Variants in NLRC4 observed in about 807,000 individuals in gnomAD.
NLRC4 encodes NLR family CARD domain containing 4.
A neutral mutation model predicts 79.9 loss-of-function variants in NLRC4; 63 were observed. The observed-to-expected ratio is 0.79, with a 90% confidence interval of 0.64 to 0.97. The LOEUF (loss-of-function observed/expected upper bound fraction) is 0.97, where lower values mean the gene tolerates loss of function less well. Among genes scored for constraint, NLRC4 ranks in the 50% least tolerant of loss-of-function variants. NLRC4 has a pLI of 0.00. For synonymous variants in NLRC4, 461 were observed against 456.5 expected (o/e 1.01, Z -0.12); for missense variants, 1,074 against 1,215.2 (o/e 0.88, Z 1.73).
intron 5 of NLRC4, among the ~76,000 whole-genome samples, chr2:32,238,801 C>A (rs1686730198): frequency 6.6e-6 from 1 of 152,122 alleles, no homozygotes; most frequent in Non-Finnish European, 1.5e-5. Flanking sequence ...AAGACCACAT[C>A]CACTGCAGCA....
chr2:32,251,655 C>T, intron 3 of NLRC4, 54 bp from the exon 4 acceptor site: 1 of 1,256,856 alleles, frequency 8.0e-7, no homozygotes, highest in Non-Finnish European at 1.1e-6. Flanking sequence ...CTCCTCAAAA[C>T]CTAGAGTTCA....
chr2:32,264,433 CA>C (rs1278984114), intron 1 of NLRC4, among the ~76,000 whole-genome samples: 2,143 of 60,930 alleles, frequency 0.035, 44 homozygotes, highest in African/African-American at 0.097. Context: ...GACTCTGTCT[CA>C]AAAAAAAAAA....
In NLRC4 at chr2:32,236,122, T is replaced by A. The variant is rs1210345445; in HGVS notation, c.2614+125A>T. 8 of 574,800 alleles carry A rather than the reference T, an allele frequency of 1.4e-5. No homozygotes were observed. In the Admixed American group the frequency reaches 2.8e-4, roughly 20 times the overall value. 35.6% of individuals were successfully genotyped at this position (574,800 alleles called of 1,614,324 possible). ...AGTTTAAGAAAGGCCTAAATGATTT[T>A]CCTAAGGAGGGTGCATCTAGTAAGG... On this transcript the variant is annotated intron_variant, in intron 7 of 8. Transcript: ENST00000402280.
intron 8 of NLRC4, among the ~76,000 whole-genome samples, chr2:32,232,707 AG>A (rs1686565773): frequency 6.6e-6 from 1 of 152,228 alleles, no homozygotes; most frequent in Non-Finnish European, 1.5e-5. Context: ...CTAGGTAGGA[AG>A]GCAAGTCAAA....
At chr2:32,241,369 CTTTTTTTTTTT>C (rs34150887) in intron 4 of NLRC4, among the ~76,000 whole-genome samples, 1 of 74,360 alleles carries the variant, frequency 1.3e-5, no homozygotes, top group Non-Finnish European at 2.4e-5. Context: ...AAAAAATTTC[CTTTTTTTTTTT>C]TTTTTTTTTT....
chr2:32,255,936 C>T (rs1687198124), intron 2 of NLRC4, among the ~76,000 whole-genome samples: 1 of 151,964 alleles, frequency 6.6e-6, no homozygotes, highest in Non-Finnish European at 1.5e-5. Context: ...ATCGCTTGAA[C>T]CCAGGAGGTG....
At chr2:32,258,083 T>C (rs1467637579) in intron 1 of NLRC4, among the ~76,000 whole-genome samples, 3 of 152,194 alleles carry the variant, frequency 2.0e-5, no homozygotes, top group Non-Finnish European at 4.4e-5. Context: ...TTTCATTGAG[T>C]GGAAGAAGCT....
chr2:32,235,501 G>A lies in NLRC4; in HGVS notation c.2682C>T (p.Gly894=). The part of the protein sequence containing the change: ...LMLPWGCDVQ[G]SLSSLLKHLE... ...AATGTTTCAACAGGCTGCTCAGGCT[G>A]CCTTGCACGTCACAGCCCCAGGGCA... Residue 894 remains glycine, a synonymous_variant, in exon 8 of 9, where the codon GGC becomes GGT. Coordinates refer to ENST00000402280, the MANE Select transcript of NLRC4 (RefSeq NM_001199138.2). 6.2e-7 allele frequency: 1 copy of A among 1,614,130 alleles called. No individual in the cohort carries two copies. Among genetic ancestry groups the A allele is most frequent in the Non-Finnish European group, 8.5e-7 (1 of 1,179,944 alleles).
chr2:32,250,011 C>G lies in NLRC4; in HGVS notation c.1853G>C (p.Gly618Ala), dbSNP rs765739640. The G allele has an allele frequency of 1.9e-6, 3 of 1,614,082 alleles. No homozygotes were observed. The Admixed American group carries it at 5.0e-5, about 27-fold the overall frequency. Residue 618 changes from glycine to alanine, a missense_variant, in exon 4 of 9, where the codon GGG (glycine) becomes GCG (alanine). Gly to Ala is a moderately conservative substitution (Grantham distance 60, BLOSUM62 0). Transcript: ENST00000402280. The surrounding 1 kb of genome is among the most constrained non-coding windows in gnomAD (Gnocchi z 4.9). ...CTTTTCCCATGAAGCCATAGCTCCC[C>G]CATAAAAGTCCAGTTTAATGAAGTC... is the stretch of plus-strand genomic sequence containing the variant. ...ALDFIKLDFYGGAMASWEKAA... is the reference protein window; with the variant it reads ...ALDFIKLDFYAGAMASWEKAA...
At chr2:32,236,639 T>C (rs368512174) in intron 6 of NLRC4, among the ~76,000 whole-genome samples, 2 of 152,152 alleles carry the variant, frequency 1.3e-5, no homozygotes, top group South Asian at 4.1e-4. Flanking sequence ...GAAAAATCAC[T>C]TGGTCTCTCT....
Position 32,236,242 on chromosome 2 carries a change from C to T in NLRC4, c.2614+5G>A, listed in dbSNP as rs754837150. On this transcript the variant is annotated splice_donor_5th_base_variant and intron_variant, in intron 7 of 8. Coordinates refer to ENST00000402280, the MANE Select transcript of NLRC4 (RefSeq NM_001199138.2). ...ATCTAATTTTGGCTGAATTGTCATT[C>T]TTACTCAGTTCATGAAGAGCTTCAT... is the stretch of plus-strand genomic sequence containing the variant. 1 of 1,574,256 alleles carries T rather than the reference C, an allele frequency of 6.4e-7. No homozygotes were observed.
At chr2:32,236,504 G>A (rs964945394) in intron 6 of NLRC4, among the ~76,000 whole-genome samples, 165 bp from the exon 7 acceptor site, 1 of 152,182 alleles carries the variant, frequency 6.6e-6, no homozygotes, top group Admixed American at 6.5e-5. Context: ...TGGTGTAGGT[G>A]TAACCCCCAA....
At chr2:32,263,162 G>T (rs1025622104) in intron 1 of NLRC4, among the ~76,000 whole-genome samples, 4 of 152,150 alleles carry the variant, frequency 2.6e-5, no homozygotes, top group African/African-American at 9.7e-5. Flanking sequence ...ATAAGGGAAA[G>T]AGTACATATA....
chr2:32,233,196 GGGAGGGAGGGAAAGGAAGAAGGA>G, intron 8 of NLRC4, among the ~76,000 whole-genome samples: 1 of 111,380 alleles, frequency 9.0e-6, no homozygotes, highest in African/African-American at 3.5e-5. Context: ...AAGGAAGGAA[GGGAGGGAGGGAAAGGAAGAAGGA>G]AGGGAGGGAG....
intron 1 of NLRC4, among the ~76,000 whole-genome samples, chr2:32,259,220 T>C (rs930641882): frequency 4.0e-5 from 6 of 149,208 alleles, no homozygotes; most frequent in Admixed American, 2.0e-4. Context: ...CTCAGCCTCC[T>C]GAGTAACTGG....
chr2:32,242,780 C>T (rs1345483309), intron 4 of NLRC4, among the ~76,000 whole-genome samples: 1 of 152,198 alleles, frequency 6.6e-6, no homozygotes, highest in Non-Finnish European at 1.5e-5. Flanking sequence ...GGCACAGTGG[C>T]TCACTCCTAT....
At chr2:32,240,050 G>A (rs1032177430) in intron 5 of NLRC4, among the ~76,000 whole-genome samples, 1 of 152,062 alleles carries the variant, frequency 6.6e-6, no homozygotes, top group Non-Finnish European at 1.5e-5. Context: ...GAGCAATCTC[G>A]GCTCACTACA....
chr2:32,243,315 C>T (rs1202551494), intron 4 of NLRC4, among the ~76,000 whole-genome samples: 2 of 151,468 alleles, frequency 1.3e-5, no homozygotes, highest in African/African-American at 4.9e-5. Flanking sequence ...GAGGCTGAGG[C>T]AGGAGAATCG....
At chr2:32,246,369 G>A (rs1002238691) in intron 4 of NLRC4, among the ~76,000 whole-genome samples, 3 of 152,122 alleles carry the variant, frequency 2.0e-5, no homozygotes, top group Admixed American at 1.3e-4. Flanking sequence ...TACAGTCTTC[G>A]TGACACCCAG....
Sources: allele counts gnomAD v4.1 joint callset (sites outside exome capture counted in the v4.1 genomes callset), GRCh38; gene constraint gnomAD v4.1.1; non-coding constraint Gnocchi (gnomAD v3.1); transcripts MANE v1.5; gene names NCBI Gene and HGNC (gene_info 2026-07-23, HGNC 2026-07-21).